The following MYO1D variants were observed in gnomAD, a reference collection of about 807,000 sequenced individuals.
MYO1D encodes unconventional myosin-Id.
Under a neutral mutation model 122.0 loss-of-function variants are expected in MYO1D, and 83 were observed. The observed-to-expected ratio is 0.68, with a 90% CI of 0.57 to 0.82. MYO1D has a LOEUF of 0.82. MYO1D is among the 40% of genes least tolerant of loss of function. The pLI is 0.00. For missense variants in MYO1D, 1,157 were observed against 1,269.5 expected (o/e 0.91, Z 1.35); for synonymous variants, 464 against 446.9 (o/e 1.04, Z -0.48).
intron 21 of MYO1D, among the ~76,000 whole-genome samples, chr17:32,507,958 G>A (rs1044278986): frequency 4.7e-5 from 7 of 148,868 alleles, no homozygotes; most frequent in Admixed American, 6.8e-5. Context: ...GGGCAATGGC[G>A]CGATCTTGGC....
intron 21 of MYO1D, among the ~76,000 whole-genome samples, chr17:32,597,214 T>G (rs2087503019): frequency 6.6e-6 from 1 of 152,124 alleles, no homozygotes; most frequent in Non-Finnish European, 1.5e-5. Flanking sequence ...ATGAAAAAAT[T>G]TTAGATCAGT....
chr17:32,529,277 A>C (rs1160835427), intron 21 of MYO1D, among the ~76,000 whole-genome samples: 1 of 152,082 alleles, frequency 6.6e-6, no homozygotes, highest in Non-Finnish European at 1.5e-5. Flanking sequence ...GTAGTCTGGC[A>C]GGGTCTCAGA....
At chr17:32,721,407 A>G (rs2089509304) in intron 14 of MYO1D, among the ~76,000 whole-genome samples, 1 of 152,196 alleles carries the variant, frequency 6.6e-6, no homozygotes, top group East Asian at 1.9e-4. Flanking sequence ...ATTATGTTTT[A>G]GGGTTTATTA....
chr17:32,828,097 A>G (rs941038443), intron 1 of MYO1D, among the ~76,000 whole-genome samples: 5 of 152,242 alleles, frequency 3.3e-5, no homozygotes, highest in Non-Finnish European at 7.3e-5. Flanking sequence ...AGGATGAGTG[A>G]AAGAAGCTGA....
chr17:32,587,835 C>G (rs2087404510), intron 21 of MYO1D, among the ~76,000 whole-genome samples: 2 of 152,204 alleles, frequency 1.3e-5, no homozygotes, highest in African/African-American at 4.8e-5. Context: ...CCCTTCTCTC[C>G]TCTGTTCCAG....
chr17:32,717,483 T>A (rs1443438903), intron 15 of MYO1D, among the ~76,000 whole-genome samples: 1 of 152,258 alleles, frequency 6.6e-6, no homozygotes, highest in Non-Finnish European at 1.5e-5. Flanking sequence ...CTGCCACATG[T>A]TTCCTTTCTG....
At chr17:32,853,668 A>G (rs2091007017) in intron 1 of MYO1D, among the ~76,000 whole-genome samples, 1 of 152,234 alleles carries the variant, frequency 6.6e-6, no homozygotes, top group Admixed American at 6.5e-5. Flanking sequence ...AAAACCTAGC[A>G]TATAGTTGAT....
chr17:32,805,837 G>A (rs2090505968), intron 1 of MYO1D, among the ~76,000 whole-genome samples: 1 of 152,158 alleles, frequency 6.6e-6, no homozygotes, highest in Non-Finnish European at 1.5e-5. Context: ...GTTACTCCCT[G>A]ATAGACATAG....
chr17:32,598,121 C>T (rs117544710), intron 21 of MYO1D, among the ~76,000 whole-genome samples: 7,913 of 152,212 alleles, frequency 0.052, 233 homozygotes, highest in East Asian at 0.15. Context: ...CGCTTGTAAT[C>T]CCAGCACTTT....
At chr17:32,780,359 C>T (rs892274229) in intron 2 of MYO1D, among the ~76,000 whole-genome samples, 1 of 151,934 alleles carries the variant, frequency 6.6e-6, no homozygotes, top group African/African-American at 2.4e-5. Context: ...AGAAGTCATC[C>T]AAGTGTAATA....
intron 8 of MYO1D, 119 bp downstream of exon 8, chr17:32,764,759 T>C: frequency 9.4e-7 from 1 of 1,060,690 alleles, no homozygotes; most frequent in Non-Finnish European, 1.4e-6. Context: ...GAAAGTATCA[T>C]TATGGTTTCT....
intron 11 of MYO1D, among the ~76,000 whole-genome samples, chr17:32,754,434 G>A (rs1330267433): frequency 6.6e-6 from 1 of 152,204 alleles, no homozygotes; most frequent in East Asian, 1.9e-4. Flanking sequence ...TTTGTAGTAG[G>A]GTTACTATCA....
At chr17:32,859,639 T>C (rs1205639282) in intron 1 of MYO1D, among the ~76,000 whole-genome samples, 2 of 152,234 alleles carry the variant, frequency 1.3e-5, no homozygotes, top group African/African-American at 4.8e-5. Flanking sequence ...TCTCCCAGAA[T>C]AAACATAATC....
intron 15 of MYO1D, among the ~76,000 whole-genome samples, chr17:32,716,661 T>C (rs904405433): frequency 5.3e-5 from 8 of 152,238 alleles, no homozygotes; most frequent in Non-Finnish European, 1.0e-4. Context: ...CACCAAACTA[T>C]AGTAGGGGTC....
intron 21 of MYO1D, among the ~76,000 whole-genome samples, chr17:32,584,165 TATG>T (rs1367377372): frequency 2.6e-5 from 4 of 152,206 alleles, no homozygotes. Context: ...ACCTATTTTT[TATG>T]ATATTTTCCC....
intron 16 of MYO1D, among the ~76,000 whole-genome samples, chr17:32,669,100 G>A (rs2088675350): frequency 6.6e-6 from 1 of 151,980 alleles, no homozygotes; most frequent in Non-Finnish European, 1.5e-5. Flanking sequence ...AATGTTGAAG[G>A]GGATCAGGAT....
intron 1 of MYO1D, among the ~76,000 whole-genome samples, chr17:32,856,235 C>G (rs749852933): frequency 1.4e-4 from 21 of 152,148 alleles, no homozygotes; most frequent in Non-Finnish European, 2.8e-4. Context: ...AGCCTTCATC[C>G]TCTTCATGTC....
chr17:32,660,707 G>A (rs1022306062), intron 16 of MYO1D, among the ~76,000 whole-genome samples: 1 of 152,142 alleles, frequency 6.6e-6, no homozygotes, highest in Non-Finnish European at 1.5e-5. Context: ...AGACAATGAG[G>A]CAATAAAAAC....
intron 12 of MYO1D, among the ~76,000 whole-genome samples, chr17:32,748,198 AC>A (rs2089858286): frequency 6.6e-6 from 1 of 152,240 alleles, no homozygotes; most frequent in South Asian, 2.1e-4. Context: ...TAATAAAAAT[AC>A]GGCTAGTAAG....
Sources: gnomAD v4.1 joint callset for allele counts (sites outside exome capture counted in the v4.1 genomes callset) on GRCh38, gnomAD v4.1.1 for gene constraint, MANE v1.5 for transcripts, NCBI Gene and HGNC (gene_info 2026-07-23, HGNC 2026-07-21) for gene names.